Variants in RLN2 observed in about 807,000 individuals in gnomAD.
The protein encoded by RLN2 is prorelaxin H2.
Under a neutral mutation model 7.3 loss-of-function variants are expected in RLN2, and 10 were observed. The observed-to-expected ratio is 1.36, with a 90% confidence interval of 0.84 to 2.31. RLN2 has a LOEUF of 2.31. Among genes scored for constraint, RLN2 ranks in the 30% most tolerant of loss-of-function variants. RLN2 has a pLI of 0.00. For missense variants in RLN2, 298 were observed against 217.6 expected, an observed-to-expected ratio of 1.37 and a Z score of -2.32; for synonymous variants, 103 against 82.3, an observed-to-expected ratio of 1.25 and a Z score of -1.36.
At position 5,300,301 on chromosome 9, in the gene RLN2, A is replaced by T. The variant is rs145745019; in HGVS notation, c.355T>A (p.Leu119Ile). The change falls in exon 2 of 2, where the codon TTA becomes ATA. Residue 119 changes from leucine to isoleucine, a missense_variant. By Grantham distance (5) the Leu-to-Ile change is conservative. Transcript: ENST00000381627. The part of the protein sequence containing the change: ...LPQLQQHVPV[L>I]KDSSLLFEEF... ...TCAAAGAGAAGACTGGAATCTTTTA[A>T]TACAGGTACATGTTGTTGTAGCTGT... 94 of 1,614,016 alleles carry T rather than the reference A, an allele frequency of 5.8e-5. No homozygotes were observed. The African/African-American group carries it at 1.2e-3, about 21-fold the overall frequency.
chr9:5,335,298 A>G, the RLN2 span: 5 of 1,602,512 alleles, frequency 3.1e-6, no homozygotes, highest in Non-Finnish European at 3.4e-6. Context: ...ATTAGGCAAC[A>G]TTTCTCAAAC....
the RLN2 span, among the ~76,000 whole-genome samples, chr9:5,315,415 A>AC: frequency 1.3e-5 from 2 of 151,886 alleles, no homozygotes; most frequent in African/African-American, 4.8e-5. Flanking sequence ...AAGGAAAAAA[A>AC]AAAACGAAAA....
chr9:5,318,904 A>G, the RLN2 span, among the ~76,000 whole-genome samples: 1 of 152,164 alleles, frequency 6.6e-6, no homozygotes, highest in Middle Eastern at 3.4e-3. Context: ...GATTTTTAAG[A>G]TTGGCAATAA....
At chr9:5,318,725 G>T in the RLN2 span, among the ~76,000 whole-genome samples, 29 of 151,902 alleles carry the variant, frequency 1.9e-4, no homozygotes, top group African/African-American at 7.0e-4. Flanking sequence ...TTACTTGTTT[G>T]TAGTTTTTGC....
the RLN2 span, among the ~76,000 whole-genome samples, chr9:5,327,841 T>C: frequency 1.7e-4 from 26 of 151,998 alleles, 1 homozygote; most frequent in East Asian, 5.0e-3. Context: ...GAAGGAAAAC[T>C]AATAAACGGA....
chr9:5,313,484 G>A, the RLN2 span, among the ~76,000 whole-genome samples: 2 of 151,986 alleles, frequency 1.3e-5, no homozygotes, highest in Non-Finnish European at 2.9e-5. Flanking sequence ...GTCTCTTGCA[G>A]AGAGCATAGA....
At chr9:5,331,224 G>C in the RLN2 span, among the ~76,000 whole-genome samples, 1 of 152,002 alleles carries the variant, frequency 6.6e-6, no homozygotes, top group African/African-American at 2.4e-5. Context: ...CAGAAAAAGA[G>C]GGAATCCTCC....
chr9:5,304,801 C>G (rs1816213182), upstream of RLN2: 3 of 582,492 alleles, frequency 5.2e-6, no homozygotes, highest in Middle Eastern at 4.6e-4. Flanking sequence ...TTTTCCCCCT[C>G]AGCTCTTGGT....
At chr9:5,335,646 G>C in the RLN2 span, 1 of 1,144,506 alleles carries the variant, frequency 8.7e-7, no homozygotes, top group Non-Finnish European at 1.3e-6. Flanking sequence ...TCACGTCAAA[G>C]AGCATTCAGA....
Position 5,300,378 on chromosome 9 carries a change from T to G in RLN2, c.278A>C (p.Asn93Thr). The G allele has an allele frequency of 6.2e-7, 1 of 1,613,610 alleles. No individual in the cohort carries two copies. The highest frequency in any genetic ancestry group is 8.5e-7 in the Non-Finnish European group (1 of 1,179,862). ...GGTTAACTTCAGCTCCTGTGGCAAA[T>G]TAGCAACAAATTCTGACATCATATT... is the stretch of plus-strand genomic sequence containing the variant. ...TINMMSEFVA[N>T]LPQELKLTLS... The change falls in exon 2 of 2, where the codon AAT (asparagine) becomes ACT (threonine). Residue 93 changes from asparagine to threonine, a missense_variant. Transcript: ENST00000381627.
chr9:5,306,102 G>GTTTTTTTTTTTTTTTTTTTTTTT (rs57304439), upstream of RLN2, among the ~76,000 whole-genome samples: 2 of 123,436 alleles, frequency 1.6e-5, 1 homozygote, highest in African/African-American at 6.6e-5. Flanking sequence ...CTTTGTTTTT[G>GTTTTTTTTTTTTTTTTTTTTTTT]TTTTTTGTTT....
the RLN2 span, among the ~76,000 whole-genome samples, chr9:5,323,717 T>A: frequency 1.3e-5 from 2 of 151,950 alleles, no homozygotes; most frequent in Admixed American, 6.6e-5. Flanking sequence ...AATATGCAAA[T>A]GTTTAAATAC....
At chr9:5,323,498 C>A in the RLN2 span, among the ~76,000 whole-genome samples, 1 of 151,912 alleles carries the variant, frequency 6.6e-6, no homozygotes, top group South Asian at 2.1e-4. Flanking sequence ...GCTCAATAGG[C>A]AGATTTTTTC....
At chr9:5,319,205 C>G in the RLN2 span, among the ~76,000 whole-genome samples, 1 of 151,914 alleles carries the variant, frequency 6.6e-6, no homozygotes, top group Non-Finnish European at 1.5e-5. Context: ...GCAAAATGAT[C>G]TAGATTTTTT....
chr9:5,326,418 A>G, the RLN2 span, among the ~76,000 whole-genome samples: 1 of 152,106 alleles, frequency 6.6e-6, no homozygotes. Context: ...ACCCACTGCC[A>G]TAGGCAGACC....
At chr9:5,333,101 T>G in the RLN2 span, among the ~76,000 whole-genome samples, 3 of 151,988 alleles carry the variant, frequency 2.0e-5, no homozygotes, top group Non-Finnish European at 2.9e-5. Context: ...AAGCAAATAT[T>G]TTAGTGATGC....
At chr9:5,306,422 C>A (rs1816253935), upstream of RLN2, among the ~76,000 whole-genome samples, 1 of 151,794 alleles carries the variant, frequency 6.6e-6, no homozygotes, top group Non-Finnish European at 1.5e-5. Flanking sequence ...TTTATAGAGT[C>A]CTTAAAACTG....
the RLN2 span, among the ~76,000 whole-genome samples, chr9:5,336,924 A>G: frequency 1.3e-5 from 2 of 152,114 alleles, no homozygotes; most frequent in Middle Eastern, 3.4e-3. Context: ...TTTTGTGGCA[A>G]AAGAATCAGT....
the RLN2 span, chr9:5,335,632 G>A: frequency 3.0e-4 from 417 of 1,377,040 alleles, 1 homozygote; most frequent in Middle Eastern, 1.3e-3. Context: ...ATGTGAAGGC[G>A]TATTCACGTC....
Sources: allele counts gnomAD v4.1 joint callset (sites outside exome capture counted in the v4.1 genomes callset), GRCh38; gene constraint gnomAD v4.1.1; transcripts MANE v1.5; gene names NCBI Gene and HGNC (gene_info 2026-07-23, HGNC 2026-07-21).